Variants in ABCC12 observed in about 807,000 individuals in gnomAD.
ABCC12 encodes ATP binding cassette subfamily C member 12, also known as ATP-binding cassette sub-family C member 12.
In ABCC12, 142 loss-of-function variants were observed where a neutral mutation model predicts 151.1. The observed-to-expected ratio is 0.94, with a 90% CI of 0.82 to 1.08. ABCC12 has a LOEUF of 1.08. Among genes scored for constraint, ABCC12 ranks in the 50% least tolerant of loss-of-function variants. The pLI is 0.00. For synonymous variants in ABCC12, 645 were observed against 646.4 expected (o/e 1.00, Z 0.03); for missense variants, 1,638 against 1,691.1 (o/e 0.97, Z 0.55).
At chr16:48,143,838 A>T in intron 4 of ABCC12, 72 bp downstream of exon 4, 1 of 1,515,872 alleles carries the variant, frequency 6.6e-7, no homozygotes, top group Non-Finnish European at 8.9e-7. Flanking sequence ...TTTATAAATT[A>T]CCCACTCTCA....
In ABCC12 at chr16:48,146,290, C is replaced by T. The variant is rs758134997; in HGVS notation, c.119+16G>A. The T allele has an allele frequency of 3.8e-5, 61 of 1,613,024 alleles. No individual in the cohort carries two copies. Among genetic ancestry groups the T allele is most frequent in the Non-Finnish European group, 4.6e-5 (54 of 1,179,140 alleles). On this transcript the variant is annotated intron_variant, in intron 3 of 30. Transcript: ENST00000311303. ...GTCCTGCCCTGGCCCTCCCTTCTGT[C>T]CTTCTTCTGACTTACCTTGCACAGG...
chr16:48,095,837 G>T (rs1284026936), intron 24 of ABCC12, among the ~76,000 whole-genome samples: 3 of 152,128 alleles, frequency 2.0e-5, no homozygotes, highest in Admixed American at 6.6e-5. Flanking sequence ...CATGAATAAA[G>T]ACCCACATTC....
intron 9 of ABCC12, among the ~76,000 whole-genome samples, chr16:48,132,758 G>C (rs1964471634): frequency 6.6e-6 from 1 of 152,178 alleles, no homozygotes; most frequent in Non-Finnish European, 1.5e-5. Flanking sequence ...AGGCTAAGAA[G>C]AATAGCTGAC....
rs1277011944 is a variant in ABCC12 at position 48,115,582 on chromosome 16, T to A, written c.1822A>T (p.Arg608Trp). 6.2e-7 allele frequency: 1 copy of A among 1,614,088 alleles called. No homozygotes were observed. The highest frequency in any genetic ancestry group is 8.5e-7 in the Non-Finnish European group (1 of 1,179,988). The change falls in exon 15 of 31, where the codon AGG (arginine) becomes TGG (tryptophan). Residue 608 changes from arginine to tryptophan, a missense_variant. Transcript: ENST00000311303. The part of the protein sequence containing the change: ...ERGLNLSGGQ[R>W]QRISLARAVY... The stretch of plus-strand genomic sequence containing the variant: ...GCGCGGGCCAGGCTAATCCTCTGCC[T>A]CTGCCCCCCAGAGAGGTTGAGGCCC...
Position 48,128,467 on chromosome 16 carries a change from C to T in ABCC12, c.1507G>A (p.Val503Met). Residue 503 changes from valine to methionine, a missense_variant, in exon 11 of 31, where the codon GTG (valine) becomes ATG (methionine). By Grantham distance (21) the Val-to-Met change is conservative. Coordinates refer to ENST00000311303, the MANE Select transcript of ABCC12 (RefSeq NM_001393797.1). Reference protein sequence around the residue: ...KSVLHSISFVVRKGKILGICG... With the variant: ...KSVLHSISFVMRKGKILGICG... ...GTGCAACACACACCCACCTTTCTCA[C>T]CACAAAGCTTATGCTGTGCAGAACC... The T allele has an allele frequency of 6.2e-7, 1 of 1,614,060 alleles. No homozygotes were observed. Among genetic ancestry groups the T allele is most frequent in the Non-Finnish European group, 8.5e-7 (1 of 1,179,906 alleles).
chr16:48,107,721 G>A (rs1290437164), intron 19 of ABCC12, among the ~76,000 whole-genome samples: 1 of 152,184 alleles, frequency 6.6e-6, no homozygotes, highest in Admixed American at 6.5e-5. Context: ...GCCAAGGAAG[G>A]TCGGGCATGG....
Position 48,111,862 on chromosome 16 carries a change from A to T in ABCC12, c.2038T>A (p.Cys680Ser), listed in dbSNP as rs1963706861. ...AACTCCTTGTGGGTTCCCTTTTCAC[A>T]AATCTCTCCATCTTCTAATAAAATA... ...EVILLEDGEI[C>S]EKGTHKELME... Residue 680 changes from cysteine to serine, a missense_variant, in exon 16 of 31, where the codon TGT becomes AGT. Physicochemically the swap from Cys to Ser is moderately radical, Grantham distance 112. Coordinates refer to ENST00000311303, the MANE Select transcript of ABCC12 (RefSeq NM_001393797.1). 1.9e-6 allele frequency: 3 copies of T among 1,614,040 alleles called. No individual in the cohort carries two copies. Among genetic ancestry groups the T allele is most frequent in the Admixed American group, 3.3e-5 (2 of 60,006 alleles).
Position 48,096,811 on chromosome 16 carries a change from C to T in ABCC12, c.3130G>A (p.Val1044Met). The T allele has an allele frequency of 6.2e-7, 1 of 1,614,084 alleles. No homozygotes were observed. Among genetic ancestry groups the T allele is most frequent in the Non-Finnish European group, 8.5e-7 (1 of 1,180,008 alleles). ...NILTFTVALL[V>M]TLSFSSISTS... is the part of the protein sequence containing the mutation. ...CTGATGGAGGAGAAACTCAGGGTCA[C>T]CAACAAGGCCACAGTGAAGGTAAGG... is the stretch of plus-strand genomic sequence containing the variant. Residue 1044 changes from valine (V) to methionine (M), a missense_variant, in exon 24 of 31, where the codon GTG becomes ATG. Val to Met is a conservative substitution (Grantham distance 21). Transcript: ENST00000311303.
intron 24 of ABCC12, among the ~76,000 whole-genome samples, chr16:48,091,412 G>A (rs1000990925): frequency 6.6e-6 from 1 of 152,182 alleles, no homozygotes; most frequent in Non-Finnish European, 1.5e-5. Flanking sequence ...CACTTCCTTT[G>A]TATTTAGAAA....
At chr16:48,088,483 G>A (rs890869751) in intron 26 of ABCC12, 62 bp downstream of exon 26, 8 of 1,553,806 alleles carry the variant, frequency 5.1e-6, no homozygotes, top group Non-Finnish European at 7.0e-6. Flanking sequence ...ACTTAACTAG[G>A]ACATCCAGTG....
In ABCC12 at chr16:48,138,274, C is replaced by A. The variant is rs58567530; in HGVS notation, c.933G>T (p.Leu311=). 5,164 of 1,612,370 alleles carry A rather than the reference C, an allele frequency of 3.2e-3. 145 individuals are homozygous for A. The African/African-American group carries it at 0.062, about 19-fold the overall frequency. ...TMNEFLTCIR[L]IKMYAWEKSF... ...ATTTCTCCCAGGCATACATTTTGAT[C>A]AGCCTGATGCAGGTCAGAAACTCAT... The change falls in exon 8 of 31, where the codon CTG becomes CTT. Residue 311 remains leucine (L), a synonymous_variant. Transcript: ENST00000311303.
At chr16:48,115,778 G>A (rs1003833082) in intron 14 of ABCC12, among the ~76,000 whole-genome samples, 160 bp from the exon 15 acceptor site, 2 of 152,194 alleles carry the variant, frequency 1.3e-5, no homozygotes, top group African/African-American at 2.4e-5. Flanking sequence ...CCGGTCACAC[G>A]AGACTCTGTG....
intron 14 of ABCC12, among the ~76,000 whole-genome samples, chr16:48,116,338 G>A (rs1419177470): frequency 6.6e-6 from 1 of 152,210 alleles, no homozygotes; most frequent in African/African-American, 2.4e-5. Context: ...GGTGGGCAGG[G>A]TAGTTATGTA....
chr16:48,096,420 A>G (rs1428292527), intron 24 of ABCC12, among the ~76,000 whole-genome samples: 1 of 152,184 alleles, frequency 6.6e-6, no homozygotes, highest in Non-Finnish European at 1.5e-5. Flanking sequence ...CTTTCCTCCA[A>G]TAACAGTAAA....
chr16:48,088,995 TA>T (rs1465885785), intron 25 of ABCC12, among the ~76,000 whole-genome samples: 1 of 150,858 alleles, frequency 6.6e-6, no homozygotes, highest in Non-Finnish European at 1.5e-5. Flanking sequence ...GAAAGGGGGG[TA>T]GGAGAGTAAA....
chr16:48,103,424 G>C (rs999342848), intron 22 of ABCC12, among the ~76,000 whole-genome samples: 5 of 152,198 alleles, frequency 3.3e-5, no homozygotes, highest in Admixed American at 3.3e-4. Context: ...TAACCAACAA[G>C]CATTGGTTGT....
At chr16:48,141,473 C>T in intron 4 of ABCC12, 120 bp from the exon 5 acceptor site, 1 of 1,297,732 alleles carries the variant, frequency 7.7e-7, no homozygotes, top group Non-Finnish European at 1.1e-6. Context: ...GGCAGTGGTG[C>T]CTTCCAGCAC....
At chr16:48,126,366 G>C (rs1171677534) in intron 11 of ABCC12, among the ~76,000 whole-genome samples, 2 of 152,032 alleles carry the variant, frequency 1.3e-5, no homozygotes, top group Non-Finnish European at 2.9e-5. Flanking sequence ...AACACTGCTG[G>C]CCACCTCCAA....
At position 48,138,244 on chromosome 16, in the gene ABCC12, A is replaced by G. The variant is rs201384099; in HGVS notation, c.963T>C (p.Phe321=). The change falls in exon 8 of 31, where the codon TTT becomes TTC. Residue 321 remains phenylalanine (F), a synonymous_variant. Transcript: ENST00000311303. ...TTGTCCTACCTTGGATAGTGTTGGT[A>G]AAAGATTTCTCCCAGGCATACATTT... ...LIKMYAWEKS[F]TNTIQDIRRR... 1.2e-6 allele frequency: 2 copies of G among 1,610,020 alleles called. No homozygotes were observed. The highest frequency in any genetic ancestry group is 1.7e-6 in the Non-Finnish European group (2 of 1,176,762).
Sources: allele counts gnomAD v4.1 joint callset (sites outside exome capture counted in the v4.1 genomes callset), GRCh38; gene constraint gnomAD v4.1.1; transcripts MANE v1.5; gene names NCBI Gene and HGNC (gene_info 2026-07-23, HGNC 2026-07-21).